The following CUX2 variants were observed in gnomAD, a reference collection of about 807,000 sequenced individuals.
CUX2 encodes the protein homeobox protein cut-like 2.
In CUX2, 40 loss-of-function variants were observed where a neutral mutation model predicts 144.8. The observed-to-expected ratio is 0.28, with a 90% CI of 0.21 to 0.36. The LOEUF (loss-of-function observed/expected upper bound fraction) is 0.36. Ranked by LOEUF, CUX2 falls within the 10% of genes least tolerant of loss-of-function variation. The pLI is 1.00. For missense variants in CUX2, 1,615 were observed against 1,994.0 expected, an observed-to-expected ratio of 0.81 and a Z score of 3.62; for synonymous variants, 827 against 875.6, an observed-to-expected ratio of 0.94 and a Z score of 0.98.
At position 111,289,344 on chromosome 12, in the gene CUX2, G is replaced by A. The variant is rs969303165; in HGVS notation, c.302-2074G>A. On this transcript the variant is annotated intron_variant, in intron 4 of 21. Coordinates refer to ENST00000261726, the MANE Select transcript of CUX2 (RefSeq NM_015267.4). The surrounding 1 kb of genome is among the most constrained non-coding windows in gnomAD (Gnocchi z 4.1). ...ATATCAAAGCAAGAGACCCAGATTC[G>A]AGTCTCACATCTACCTTTCAGCAAG... 2.6e-5 allele frequency among the ~76,000 whole-genome samples: 4 copies of A among 152,120 alleles called. No homozygotes were observed. The highest frequency in any genetic ancestry group is 9.7e-5 in the African/African-American group (4 of 41,418).
At chr12:111,150,270 A>C (rs554649854) in intron 1 of CUX2, among the ~76,000 whole-genome samples, 1 of 152,294 alleles carries the variant, frequency 6.6e-6, no homozygotes, top group African/African-American at 2.4e-5. Context: ...GCATATATTA[A>C]CTTGATGGGT....
At position 111,295,765 on chromosome 12, in the gene CUX2, A is replaced by AATTT. The variant is rs1555213132; in HGVS notation, c.637+359_637+360insTATT. ...AGACCCTGTCTCTAATTAATTAATT[A>AATTT]ATTAATTAATTAATTTAATACAACC... On this transcript the variant is annotated intron_variant, in intron 7 of 21. Transcript: ENST00000261726. This position sits in a 1 kb window ranked among gnomAD's most constrained non-coding sequence, Gnocchi z 5.0. 2.0e-5 allele frequency among the ~76,000 whole-genome samples: 3 copies of AATTT among 151,478 alleles called. No homozygotes were observed. In the East Asian group the frequency reaches 6.0e-4, roughly 30 times the overall value.
Position 111,237,345 on chromosome 12 carries a change from C to A in CUX2, c.222+19408C>A, listed in dbSNP as rs914809057. Among the ~76,000 whole-genome samples the A allele has an allele frequency of 5.3e-5, 8 of 152,276 alleles. No individual in the cohort carries two copies. In the South Asian group the frequency reaches 1.5e-3, roughly 28 times the overall value. The stretch of plus-strand genomic sequence containing the variant: ...CAGGATGCTTTTCCTCCTCTAAGCC[C>A]CCTGGCAAATCCTCAATTGTCCTTC... On this transcript the variant is annotated intron_variant, in intron 3 of 21. Transcript: ENST00000261726.
At chr12:111,191,020 C>T (rs979163633) in intron 1 of CUX2, among the ~76,000 whole-genome samples, 2 of 152,168 alleles carry the variant, frequency 1.3e-5, no homozygotes, top group African/African-American at 4.8e-5. Flanking sequence ...CACCCCCTGG[C>T]ATCCCTTGAG....
At chr12:111,112,773 A>G (rs1874050878) in intron 1 of CUX2, among the ~76,000 whole-genome samples, 2 of 152,292 alleles carry the variant, frequency 1.3e-5, no homozygotes, top group South Asian at 4.1e-4. Context: ...CAGCTGGACA[A>G]ATGTCCCTTG....
At chr12:111,158,226 A>T (rs1356332750) in intron 1 of CUX2, among the ~76,000 whole-genome samples, 2 of 152,076 alleles carry the variant, frequency 1.3e-5, no homozygotes, top group Non-Finnish European at 2.9e-5. Flanking sequence ...CCTGGTAAGG[A>T]TGGGTGGGGT....
At chr12:111,257,610 T>C (rs1246558943) in intron 3 of CUX2, among the ~76,000 whole-genome samples, 2 of 109,636 alleles carry the variant, frequency 1.8e-5, no homozygotes, top group Non-Finnish European at 3.8e-5. Flanking sequence ...TCCTCCTCAC[T>C]CTTCCTCCTC....
In CUX2 at chr12:111,275,901, G is replaced by A. The variant is rs867255575; in HGVS notation, c.301+12062G>A. 3.9e-5 allele frequency among the ~76,000 whole-genome samples: 6 copies of A among 152,240 alleles called. No individual in the cohort carries two copies. In the South Asian group the frequency reaches 8.3e-4, roughly 21 times the overall value. Reference sequence around the variant, plus strand: ...TCTTGGGCAGGCCACAGGGTCTAACGAAAATTCAGATTCAGTAACATCCAT... The same window carrying A: ...TCTTGGGCAGGCCACAGGGTCTAACAAAAATTCAGATTCAGTAACATCCAT... On this transcript the variant is annotated intron_variant, in intron 4 of 21. Transcript: ENST00000261726.
chr12:111,275,439 G>C (rs1884823778), intron 4 of CUX2, among the ~76,000 whole-genome samples: 1 of 152,208 alleles, frequency 6.6e-6, no homozygotes, highest in Non-Finnish European at 1.5e-5. Flanking sequence ...GGGAAATGAA[G>C]TCCCGCTCAC....
intron 4 of CUX2, among the ~76,000 whole-genome samples, chr12:111,284,528 G>A (rs1354311685): frequency 6.6e-6 from 1 of 152,194 alleles, no homozygotes; most frequent in East Asian, 1.9e-4. Flanking sequence ...ACCAGGCACT[G>A]TGTTAACTGC....
chr12:111,264,561 T>C (rs1284140577), intron 4 of CUX2, among the ~76,000 whole-genome samples: 1 of 152,094 alleles, frequency 6.6e-6, no homozygotes, highest in Non-Finnish European at 1.5e-5. Context: ...CCAGCGGTTT[T>C]AGTAGAAATC....
intron 1 of CUX2, among the ~76,000 whole-genome samples, chr12:111,154,392 C>T (rs537570906): frequency 6.6e-6 from 1 of 152,210 alleles, no homozygotes; most frequent in African/African-American, 2.4e-5. Flanking sequence ...AGGCAGGAGC[C>T]CAGGCCACAG....
chr12:111,271,734 T>C (rs1242138488), intron 4 of CUX2, among the ~76,000 whole-genome samples: 1 of 152,242 alleles, frequency 6.6e-6, no homozygotes, highest in Non-Finnish European at 1.5e-5. Flanking sequence ...TTTTCATATG[T>C]TATAAAGCAT....
intron 3 of CUX2, among the ~76,000 whole-genome samples, chr12:111,261,713 CAA>C (rs1884137519): frequency 6.6e-6 from 1 of 151,994 alleles, no homozygotes; most frequent in Middle Eastern, 3.2e-3. Flanking sequence ...CCAGCCTGGC[CAA>C]CATGGCGAAA....
Position 111,348,255 on chromosome 12 carries a change from A to G in CUX2, c.4391A>G (p.Asn1464Ser). 1.2e-6 allele frequency: 2 copies of G among 1,613,932 alleles called. No individual in the cohort carries two copies. Among genetic ancestry groups the G allele is most frequent in the Non-Finnish European group, 1.7e-6 (2 of 1,180,038 alleles). ...NLQRRHEKMA[N>S]LNNIIYRVER... is the part of the protein sequence containing the mutation. ...CAGCGGCGGCATGAGAAGATGGCCA[A>G]TCTGAACAACATCATTTACCGAGTA... The change falls in exon 22 of 22, where the codon AAT becomes AGT. Residue 1464 changes from asparagine to serine, a missense_variant. Asn to Ser is a conservative substitution (Grantham distance 46). This residue lies in a region of CUX2 where 298 missense variants were observed against 330.4 expected (regional missense o/e 0.90). Transcript: ENST00000261726.
rs992296344 is a variant in CUX2, at chr12:111,061,851, C to T, written c.63+27611C>T. ...TCTCAGCAGGCAGGGATGTGGGGGG[C>T]GCCTCGTGGCCAAACACCAGGCTTT... On this transcript the variant is annotated intron_variant, in intron 1 of 21. Transcript: ENST00000261726. The surrounding 1 kb of genome is among the most constrained non-coding windows in gnomAD (Gnocchi z 4.2). Among the ~76,000 whole-genome samples the T allele has an allele frequency of 2.0e-5, 3 of 152,124 alleles. No individual in the cohort carries two copies. The highest frequency in any genetic ancestry group is 7.2e-5 in the African/African-American group (3 of 41,422).
At chr12:111,183,172 A>G (rs1384752152) in intron 1 of CUX2, among the ~76,000 whole-genome samples, 1 of 152,240 alleles carries the variant, frequency 6.6e-6, no homozygotes, top group Non-Finnish European at 1.5e-5. Flanking sequence ...TGAGAACTCA[A>G]TGAATATTTG....
chr12:111,285,657 C>A (rs1885341718), intron 4 of CUX2, among the ~76,000 whole-genome samples: 2 of 152,222 alleles, frequency 1.3e-5, no homozygotes, highest in Non-Finnish European at 2.9e-5. Flanking sequence ...CCAGCCCTCC[C>A]TGCCTCACCC....
chr12:111,049,993 C>A (rs1870184256), intron 1 of CUX2, among the ~76,000 whole-genome samples: 1 of 152,116 alleles, frequency 6.6e-6, no homozygotes, highest in Non-Finnish European at 1.5e-5. Context: ...GTTGGACCAC[C>A]TCCCATTCTG....
Sources: allele counts gnomAD v4.1 joint callset (sites outside exome capture counted in the v4.1 genomes callset), GRCh38; gene constraint gnomAD v4.1.1; regional missense constraint gnomAD v4.1.1; non-coding constraint Gnocchi (gnomAD v3.1); transcripts MANE v1.5; gene names NCBI Gene and HGNC (gene_info 2026-07-23, HGNC 2026-07-21).